LPP: variants seen among roughly 807,000 people sequenced by gnomAD.
LPP encodes the protein LIM domain containing preferred translocation partner in lipoma, also known as lipoma-preferred partner.
LPP carries 38 observed loss-of-function variants against 60.4 expected under a neutral mutation model. The observed-to-expected ratio is 0.63, with a 90% confidence interval of 0.49 to 0.83. The LOEUF (loss-of-function observed/expected upper bound fraction) is 0.83, where lower values mean the gene tolerates loss of function less well. Among genes scored for constraint, LPP ranks in the 40% least tolerant of loss-of-function variants. The pLI is 0.00. For missense variants in LPP, 902 were observed against 783.6 expected (o/e 1.15, Z -1.80); for synonymous variants, 328 against 290.8 (o/e 1.13, Z -1.30).
chr3:188,574,417 T>C (rs1834154650), intron 6 of LPP, among the ~76,000 whole-genome samples: 2 of 152,210 alleles, frequency 1.3e-5, no homozygotes, highest in South Asian at 4.1e-4. Context: ...CCCACAAATA[T>C]AGGCATTAAT....
intron 3 of LPP, among the ~76,000 whole-genome samples, chr3:188,386,260 G>GCACACACACA (rs1491279764): frequency 4.1e-5 from 4 of 96,832 alleles, no homozygotes; most frequent in East Asian, 2.6e-4. Context: ...GTCATAGCAT[G>GCACACACACA]CGCGCACACA....
intron 6 of LPP, among the ~76,000 whole-genome samples, chr3:188,570,023 C>CT (rs5855208): frequency 0.49 from 71,034 of 145,574 alleles, 18,169 homozygotes; most frequent in East Asian, 0.72. Flanking sequence ...AGTTTAATGG[C>CT]TTTTTTTTTT....
In LPP at chr3:188,880,923, G is replaced by C. The variant is rs1206762431; in HGVS notation, c.*6444G>C. 1.2e-5 allele frequency: 2 copies of C among 166,250 alleles called. No homozygotes were observed. The highest frequency in any genetic ancestry group is 2.4e-4 in the East Asian group (2 of 8,464). The allele number at this position is 166,250 out of a possible 1,614,324, so 10.3% of individuals were successfully genotyped here. A position where few individuals can be genotyped will look rare whatever the true frequency, so the allele number is the denominator to read the frequency against. On this transcript the variant is annotated 3_prime_UTR_variant, in exon 12 of 12. Coordinates refer to ENST00000617246, the MANE Select transcript of LPP (RefSeq NM_001375462.1). ...AGGCGGGCCGATCACGAGGTCAGGAGATCGAGACCATCCTGGCTAACACGG... is the reference window on the plus strand; with the variant it reads ...AGGCGGGCCGATCACGAGGTCAGGACATCGAGACCATCCTGGCTAACACGG...
At chr3:188,508,512 T>C (rs569962943) in intron 5 of LPP, among the ~76,000 whole-genome samples, 3 of 152,364 alleles carry the variant, frequency 2.0e-5, no homozygotes, top group Admixed American at 2.0e-4. Flanking sequence ...ATTGTTGTCA[T>C]TGTTTTTTAA....
intron 6 of LPP, among the ~76,000 whole-genome samples, chr3:188,605,933 A>G (rs1842298691): frequency 6.6e-6 from 1 of 152,164 alleles, no homozygotes; most frequent in African/African-American, 2.4e-5. Context: ...GAATGGGCAC[A>G]TTTTTATAAA....
chr3:188,698,414 G>A (rs1449047645), intron 7 of LPP, among the ~76,000 whole-genome samples: 1 of 152,026 alleles, frequency 6.6e-6, no homozygotes, highest in Admixed American at 6.6e-5. Context: ...GAAAAACTGA[G>A]TGTATGTTTT....
intron 9 of LPP, among the ~76,000 whole-genome samples, chr3:188,766,388 A>G (rs74537984): frequency 0.022 from 3,314 of 150,984 alleles, 148 homozygotes; most frequent in African/African-American, 0.071. Flanking sequence ...CAAAAAAAAA[A>G]GGTTAAAAAT....
At position 188,792,638 on chromosome 3, in the gene LPP, A is replaced by G. The variant is rs989559118; in HGVS notation, c.1410+32356A>G. The stretch of plus-strand genomic sequence containing the variant: ...TGGTTTTTTTTCTAGGTGTAAACAA[A>G]CCTGGTTGATTGTGAGGCAAAGAAA... On this transcript the variant is annotated intron_variant, in intron 9 of 11. Transcript: ENST00000617246. Among the ~76,000 whole-genome samples the G allele has an allele frequency of 2.6e-5, 4 of 152,148 alleles. No homozygotes were observed. In the South Asian group the frequency reaches 8.3e-4, roughly 32 times the overall value.
chr3:188,577,733 C>CTTCCTTTG (rs1277359874), intron 6 of LPP, among the ~76,000 whole-genome samples: 14 of 133,634 alleles, frequency 1.0e-4, no homozygotes, highest in African/African-American at 3.9e-4. Context: ...CTTTGGTTTC[C>CTTCCTTTG]TTCCTTCCTT....
chr3:188,836,702 A>G (rs1758541069), intron 9 of LPP, among the ~76,000 whole-genome samples: 1 of 152,212 alleles, frequency 6.6e-6, no homozygotes, highest in Non-Finnish European at 1.5e-5. Flanking sequence ...AATACTCCAT[A>G]AGTGTTTTGT....
chr3:188,187,450 A>G (rs956238626), intron 1 of LPP, among the ~76,000 whole-genome samples: 3 of 152,104 alleles, frequency 2.0e-5, no homozygotes, highest in Admixed American at 6.5e-5. Context: ...TATAGTAAAT[A>G]GATAATAAAT....
At chr3:188,542,597 G>A (rs1825511513) in intron 6 of LPP, among the ~76,000 whole-genome samples, 1 of 151,954 alleles carries the variant, frequency 6.6e-6, no homozygotes, top group South Asian at 2.1e-4. Context: ...TGTGAGATGT[G>A]GTCACAAACA....
chr3:188,269,724 C>T (rs974731096), intron 2 of LPP, among the ~76,000 whole-genome samples: 9 of 150,680 alleles, frequency 6.0e-5, no homozygotes, highest in Non-Finnish European at 1.3e-4. Flanking sequence ...GATCTCGGCT[C>T]ACTGCAACCT....
intron 1 of LPP, among the ~76,000 whole-genome samples, chr3:188,155,525 T>C (rs344962): frequency 0.36 from 54,796 of 151,988 alleles, 10,213 homozygotes; most frequent in East Asian, 0.53. Flanking sequence ...TAGCTCCCTC[T>C]CCCATCCTCC....
intron 7 of LPP, among the ~76,000 whole-genome samples, chr3:188,690,079 G>A (rs11719436): frequency 0.098 from 14,902 of 152,190 alleles, 897 homozygotes; most frequent in African/African-American, 0.16. Context: ...AACTCTGAAA[G>A]ATGTGCATAA....
intron 8 of LPP, among the ~76,000 whole-genome samples, chr3:188,726,447 A>G (rs1718423008): frequency 6.6e-6 from 1 of 152,162 alleles, no homozygotes; most frequent in Non-Finnish European, 1.5e-5. Flanking sequence ...CTGTGTGTAC[A>G]CACTGTTCTA....
At chr3:188,749,625 G>A (rs181004980) in intron 8 of LPP, among the ~76,000 whole-genome samples, 6 of 152,232 alleles carry the variant, frequency 3.9e-5, no homozygotes, top group African/African-American at 1.4e-4. Flanking sequence ...GGGCTGAGTT[G>A]CAACTCTGCT....
intron 7 of LPP, among the ~76,000 whole-genome samples, chr3:188,687,510 C>T (rs986388912): frequency 1.3e-5 from 2 of 152,088 alleles, no homozygotes; most frequent in African/African-American, 2.4e-5. Flanking sequence ...TGCTCTTGCT[C>T]GCTTCTCCCT....
At chr3:188,160,580 G>A (rs1199389324) in intron 1 of LPP, among the ~76,000 whole-genome samples, 1 of 152,202 alleles carries the variant, frequency 6.6e-6, no homozygotes, top group African/African-American at 2.4e-5. Context: ...TTGTAAACCT[G>A]TGATTCTAGG....
Sources: gnomAD v4.1 joint callset for allele counts (sites outside exome capture counted in the v4.1 genomes callset) on GRCh38, gnomAD v4.1.1 for gene constraint, MANE v1.5 for transcripts, NCBI Gene and HGNC (gene_info 2026-07-23, HGNC 2026-07-21) for gene names.